PTGER3: variants seen among roughly 807,000 people sequenced by gnomAD.
The protein encoded by PTGER3 is prostaglandin E receptor 3.
A neutral mutation model predicts 34.7 loss-of-function variants in PTGER3; 22 were observed. The observed-to-expected ratio is 0.63, with a 90% CI of 0.45 to 0.91. The LOEUF is 0.91. Ranked by LOEUF, PTGER3 falls within the 40% of genes least tolerant of loss-of-function variation. The pLI is 0.00. For missense variants in PTGER3, 468 were observed against 519.4 expected (o/e 0.90, Z 0.96); for synonymous variants, 241 against 230.1 (o/e 1.05, Z -0.43).
intron 4 of PTGER3, among the ~76,000 whole-genome samples, chr1:70,874,485 A>G (rs1476529939): frequency 6.6e-6 from 1 of 151,454 alleles, no homozygotes; most frequent in Non-Finnish European, 1.5e-5. Context: ...TCAGTGTTTC[A>G]TTTGTTTTTA....
At chr1:71,006,532 G>A (rs1656982729) in intron 2 of PTGER3, 1 of 984,118 alleles carries the variant, frequency 1.0e-6, no homozygotes, top group Non-Finnish European at 1.2e-6. Flanking sequence ...CCACAAGAAA[G>A]GGAAATAACT....
intron 2 of PTGER3, among the ~76,000 whole-genome samples, chr1:70,962,087 A>C (rs1007146010): frequency 4.6e-5 from 7 of 152,188 alleles, no homozygotes; most frequent in Non-Finnish European, 1.0e-4. Flanking sequence ...AAATAAGAAA[A>C]CTGAGGCTAA....
At chr1:70,992,749 C>T (rs1371314255) in intron 2 of PTGER3, among the ~76,000 whole-genome samples, 1 of 152,168 alleles carries the variant, frequency 6.6e-6, no homozygotes, top group African/African-American at 2.4e-5. Context: ...TAGGGCTCAA[C>T]CAAATAAAAG....
chr1:71,036,248 C>A (rs561410147), intron 1 of PTGER3, among the ~76,000 whole-genome samples: 19 of 152,262 alleles, frequency 1.2e-4, no homozygotes, highest in African/African-American at 4.6e-4. Flanking sequence ...AAGAGGAGAT[C>A]AAGAAACTGA....
intron 1 of PTGER3, among the ~76,000 whole-genome samples, chr1:71,036,761 C>T (rs1659867082): frequency 6.6e-6 from 1 of 151,908 alleles, no homozygotes; most frequent in Admixed American, 6.6e-5. Flanking sequence ...ATGGCATGAA[C>T]CCAGGAGGCG....
At chr1:70,931,567 A>C (rs1166246774) in intron 4 of PTGER3, among the ~76,000 whole-genome samples, 1 of 152,134 alleles carries the variant, frequency 6.6e-6, no homozygotes, top group Admixed American at 6.5e-5. Context: ...GAGGTTCTCA[A>C]ACCTCAATTC....
chr1:71,023,129 T>C (rs1374542530), intron 1 of PTGER3, among the ~76,000 whole-genome samples: 1 of 151,780 alleles, frequency 6.6e-6, no homozygotes, highest in Non-Finnish European at 1.5e-5. Flanking sequence ...TCCTTACCTT[T>C]AAACTTATTC....
At chr1:71,035,965 C>A (rs1027683152) in intron 1 of PTGER3, among the ~76,000 whole-genome samples, 4 of 152,232 alleles carry the variant, frequency 2.6e-5, no homozygotes, top group Non-Finnish European at 5.9e-5. Flanking sequence ...CCTTGACACT[C>A]TCTCAAATTA....
intron 1 of PTGER3, among the ~76,000 whole-genome samples, chr1:71,014,856 G>C (rs1466144530): frequency 6.6e-6 from 1 of 152,196 alleles, no homozygotes; most frequent in Admixed American, 6.5e-5. Flanking sequence ...CATCACAGGT[G>C]CAGCTTCCAA....
At chr1:71,026,145 C>T (rs1658907011) in intron 1 of PTGER3, among the ~76,000 whole-genome samples, 1 of 152,156 alleles carries the variant, frequency 6.6e-6, no homozygotes, top group African/African-American at 2.4e-5. Flanking sequence ...TATATTCATT[C>T]ATTTTCCTTT....
intron 4 of PTGER3, among the ~76,000 whole-genome samples, chr1:70,943,690 C>T (rs1042748311): frequency 2.0e-5 from 3 of 151,848 alleles, no homozygotes; most frequent in Admixed American, 1.3e-4. Context: ...ATATTTTTTT[C>T]CACAAATTTT....
chr1:71,040,677 T>C (rs993917172), intron 1 of PTGER3, among the ~76,000 whole-genome samples: 2 of 152,126 alleles, frequency 1.3e-5, no homozygotes, highest in African/African-American at 4.8e-5. Context: ...GCAATTATGA[T>C]AGTTCCTAGG....
At position 70,992,200 on chromosome 1, in the gene PTGER3, T is replaced by C. The variant is rs1461157328; in HGVS notation, c.1078-17812A>G. Among the ~76,000 whole-genome samples the C allele has an allele frequency of 2.0e-5, 3 of 152,266 alleles. No individual in the cohort carries two copies. In the East Asian group the frequency reaches 5.8e-4, roughly 29 times the overall value. ...CTCCAGAATCCCTGCTCTTTATTCATCCAGATAGCTGTCAAACACAGCATC... is the reference window on the plus strand; with the variant it reads ...CTCCAGAATCCCTGCTCTTTATTCACCCAGATAGCTGTCAAACACAGCATC... On this transcript the variant is annotated intron_variant, in intron 2 of 3. Transcript: ENST00000306666.
chr1:70,979,082 G>A (rs964604352), intron 2 of PTGER3, among the ~76,000 whole-genome samples: 1 of 152,068 alleles, frequency 6.6e-6, no homozygotes, highest in Middle Eastern at 3.2e-3. Context: ...ACTGAGCAGG[G>A]TTAAAAGACT....
chr1:70,998,738 G>A (rs528188912), intron 2 of PTGER3, among the ~76,000 whole-genome samples: 1 of 152,270 alleles, frequency 6.6e-6, no homozygotes, highest in South Asian at 2.1e-4. Context: ...TTCTCTGGTA[G>A]TTCTGTTTGT....
At chr1:70,882,636 G>C (rs992497888) in intron 4 of PTGER3, among the ~76,000 whole-genome samples, 3 of 152,230 alleles carry the variant, frequency 2.0e-5, no homozygotes, top group African/African-American at 7.2e-5. Context: ...AAAATGACCA[G>C]GTGGCTCTCT....
chr1:70,962,203 G>A (rs993100321), intron 2 of PTGER3, among the ~76,000 whole-genome samples: 7 of 152,152 alleles, frequency 4.6e-5, no homozygotes, highest in Admixed American at 6.5e-5. Flanking sequence ...CCTCTAAGAC[G>A]ACTCTATTCT....
chr1:71,006,106 T>C, intron 2 of PTGER3: 1 of 926,504 alleles, frequency 1.1e-6, no homozygotes, highest in Non-Finnish European at 1.3e-6. Context: ...CTGGAACTTA[T>C]TTCTGTTATC....
At chr1:70,859,453 T>A (rs1342301779) in intron 4 of PTGER3, among the ~76,000 whole-genome samples, 7 of 152,248 alleles carry the variant, frequency 4.6e-5, no homozygotes, top group African/African-American at 1.7e-4. Flanking sequence ...TACAATTATT[T>A]AGCTCTGTGT....
Sources: allele counts gnomAD v4.1 joint callset (sites outside exome capture counted in the v4.1 genomes callset), GRCh38; gene constraint gnomAD v4.1.1; transcripts MANE v1.5; gene names NCBI Gene and HGNC (gene_info 2026-07-23, HGNC 2026-07-21).